SORBS2: variants seen among roughly 807,000 people sequenced by gnomAD.
The protein encoded by SORBS2 is sorbin and SH3 domain-containing protein 2.
In SORBS2, 46 loss-of-function variants were observed where a neutral mutation model predicts 97.7. The ratio of observed to expected loss-of-function variants is 0.47; its 90% CI spans 0.37 to 0.60. The LOEUF (loss-of-function observed/expected upper bound fraction) is 0.60. Ranked by LOEUF, SORBS2 falls within the 20% of genes least tolerant of loss-of-function variation. The probability of loss-of-function intolerance (pLI) is 0.00; values close to 1 mark genes in which losing one functional copy is unlikely to be tolerated. For synonymous variants in SORBS2, 476 were observed against 473.4 expected, an observed-to-expected ratio of 1.01 and a Z score of -0.07; for missense variants, 1,316 against 1,282.3, an observed-to-expected ratio of 1.03 and a Z score of -0.40.
upstream of SORBS2, among the ~76,000 whole-genome samples, chr4:185,658,080 A>T (rs1298038312): frequency 6.6e-6 from 1 of 152,234 alleles, no homozygotes. Flanking sequence ...AGACAAAGAC[A>T]TGACTGTTGA....
In SORBS2 at chr4:185,671,511, C is replaced by T. The variant is rs2097711966; in HGVS notation, c.-46+6912G>A. Among the ~76,000 whole-genome samples the T allele has an allele frequency of 2.0e-5, 3 of 152,150 alleles. 1 individual carries two copies. On this transcript the variant is annotated intron_variant, in intron 4 of 20. Coordinates refer to the SORBS2 transcript ENST00000284776. ...ATATAGGCATGGATAAAACCCATCT[C>T]TTAAAGCCTGTAAAAATTAAGTAGG...
intron 4 of SORBS2, among the ~76,000 whole-genome samples, chr4:185,645,145 G>C (rs1465776399): frequency 6.6e-6 from 1 of 152,036 alleles, no homozygotes; most frequent in African/African-American, 2.4e-5. Flanking sequence ...CTGACACCAC[G>C]GCTACCAAAG....
At chr4:185,929,033 C>A (rs1188614842) in intron 1 of SORBS2, among the ~76,000 whole-genome samples, 1 of 152,200 alleles carries the variant, frequency 6.6e-6, no homozygotes, top group Non-Finnish European at 1.5e-5. Context: ...CACGAGTTTG[C>A]AACTCCTGGT....
intron 1 of SORBS2, among the ~76,000 whole-genome samples, chr4:185,803,001 G>A (rs985410898): frequency 9.9e-5 from 15 of 152,124 alleles, no homozygotes; most frequent in African/African-American, 3.6e-4. Context: ...TAAATTTCAA[G>A]GCAACACTTT....
At chr4:185,678,570 G>T in intron 3 of SORBS2, 23 bp from the exon 7 acceptor site, 1 of 1,498,212 alleles carries the variant, frequency 6.7e-7, no homozygotes, top group Non-Finnish European at 8.9e-7. Flanking sequence ...GAAAACAATT[G>T]GATACAAAAA....
intron 1 of SORBS2, among the ~76,000 whole-genome samples, chr4:185,654,951 G>A (rs971474137): frequency 6.6e-6 from 1 of 152,178 alleles, no homozygotes; most frequent in East Asian, 1.9e-4. Context: ...AGTATACAGT[G>A]ACTCTGTTCT....
At chr4:185,645,811 A>T (rs1400466234) in intron 4 of SORBS2, 2 of 152,194 alleles carry the variant, frequency 1.3e-5, no homozygotes, top group African/African-American at 2.4e-5. Flanking sequence ...GGAACTGTGG[A>T]GTTTCAAAGA....
intron 2 of SORBS2, among the ~76,000 whole-genome samples, chr4:185,691,524 G>GAC (rs1273862560): frequency 6.6e-6 from 1 of 152,078 alleles, no homozygotes; most frequent in Non-Finnish European, 1.5e-5. Context: ...CAGGTCAGTT[G>GAC]ACTACCGGGG....
intron 2 of SORBS2, chr4:185,709,949 C>T (rs920648229): frequency 6.6e-6 from 1 of 151,444 alleles, no homozygotes; most frequent in Non-Finnish European, 1.5e-5. Flanking sequence ...ACTAAGGTGA[C>T]TCACTCTGTG....
chr4:185,650,571 T>C (rs2097296641), intron 2 of SORBS2, among the ~76,000 whole-genome samples: 1 of 152,190 alleles, frequency 6.6e-6, no homozygotes, highest in South Asian at 2.1e-4. Context: ...CAAACCTCAA[T>C]ATTAAAACAG....
At chr4:185,839,092 T>C (rs2153676685) in intron 1 of SORBS2, among the ~76,000 whole-genome samples, 1 of 152,228 alleles carries the variant, frequency 6.6e-6, no homozygotes, top group East Asian at 1.9e-4. Flanking sequence ...AGAACACTGC[T>C]CTTTCTCATA....
intron 1 of SORBS2, among the ~76,000 whole-genome samples, chr4:185,935,068 T>C (rs1025195756): frequency 2.6e-5 from 4 of 152,284 alleles, no homozygotes; most frequent in Admixed American, 2.6e-4. Context: ...GATATCAAAA[T>C]CAGCCAACAA....
At position 185,702,585 on chromosome 4, in the gene SORBS2, G is replaced by C. The variant is rs181427565; in HGVS notation, c.-197-23763C>G. On this transcript the variant is annotated intron_variant, in intron 2 of 20. Coordinates refer to the SORBS2 transcript ENST00000284776. ...AGACCATAGCACACATCAATAGCGA[G>C]GAAGTGGCAGAGTCAGAGTTCAACA... is the stretch of plus-strand genomic sequence containing the variant. Among the ~76,000 whole-genome samples the C allele has an allele frequency of 6.9e-3, 1,046 of 152,240 alleles. 5 individuals are homozygous for C. The highest frequency in any genetic ancestry group is 0.018 in the South Asian group (86 of 4,816).
chr4:185,716,772 C>T (rs577280328), intron 2 of SORBS2, among the ~76,000 whole-genome samples: 78 of 152,240 alleles, frequency 5.1e-4, no homozygotes, highest in African/African-American at 1.8e-3. Flanking sequence ...CCAGTTCTGC[C>T]TGACTGGTCT....
chr4:185,954,632 G>A (rs187938541), intron 1 of SORBS2, among the ~76,000 whole-genome samples: 4 of 152,204 alleles, frequency 2.6e-5, no homozygotes, highest in Admixed American at 6.5e-5. Flanking sequence ...TTATTGTTTG[G>A]CACTCATTAT....
At chr4:185,747,726 G>T (rs957367418) in intron 2 of SORBS2, among the ~76,000 whole-genome samples, 1 of 152,164 alleles carries the variant, frequency 6.6e-6, no homozygotes, top group Admixed American at 6.5e-5. Context: ...TTGCTCGGGC[G>T]CGGTGGCTCA....
intron 4 of SORBS2, among the ~76,000 whole-genome samples, chr4:185,637,188 T>C (rs1039172713): frequency 6.6e-6 from 1 of 152,274 alleles, no homozygotes; most frequent in Non-Finnish European, 1.5e-5. Flanking sequence ...GGTGGTCCTA[T>C]GGGATTATAA....
chr4:185,869,980 A>T (rs2099229482), intron 1 of SORBS2, among the ~76,000 whole-genome samples: 1 of 152,266 alleles, frequency 6.6e-6, no homozygotes, highest in Non-Finnish European at 1.5e-5. Context: ...ATAAGTTTAA[A>T]GAGGATAAAA....
chr4:185,708,586 T>C (rs974147201), intron 2 of SORBS2, among the ~76,000 whole-genome samples: 4 of 152,212 alleles, frequency 2.6e-5, no homozygotes, highest in African/African-American at 4.8e-5. Context: ...AATGACTTCA[T>C]ATACATTTGG....
Sources: allele counts gnomAD v4.1 joint callset (sites outside exome capture counted in the v4.1 genomes callset), GRCh38; gene constraint gnomAD v4.1.1; transcripts MANE v1.5; gene names NCBI Gene and HGNC (gene_info 2026-07-23, HGNC 2026-07-21).